Variants in BMPR1A observed in about 807,000 individuals in gnomAD.
BMPR1A encodes bone morphogenetic protein receptor type-1A.
In BMPR1A, 7 loss-of-function variants were observed where a neutral mutation model predicts 66.0. The ratio of observed to expected loss-of-function variants is 0.11; its 90% CI spans 0.06 to 0.20. BMPR1A has a LOEUF of 0.20. Among genes scored for constraint, BMPR1A ranks in the 10% least tolerant of loss-of-function variants. The pLI, the probability that BMPR1A is intolerant of heterozygous loss-of-function variation, is 1.00. For missense variants in BMPR1A, 408 were observed against 669.1 expected, an observed-to-expected ratio of 0.61 and a Z score of 4.31; for synonymous variants, 200 against 229.7, an observed-to-expected ratio of 0.87 and a Z score of 1.17.
intron 2 of BMPR1A, among the ~76,000 whole-genome samples, chr10:86,864,144 G>A (rs1026261196): frequency 3.3e-5 from 5 of 151,968 alleles, no homozygotes; most frequent in African/African-American, 7.3e-5. Context: ...GTTTTGCCTC[G>A]CACAAGGTCT....
intron 2 of BMPR1A, among the ~76,000 whole-genome samples, chr10:86,845,197 G>A (rs1333109107): frequency 6.6e-6 from 1 of 152,206 alleles, no homozygotes; most frequent in East Asian, 1.9e-4. Context: ...TTTGGGAGAT[G>A]AACCAAAAAG....
At chr10:86,790,189 ATATATAT>A (rs1415900882) in intron 1 of BMPR1A, among the ~76,000 whole-genome samples, 25 of 13,198 alleles carry the variant, frequency 1.9e-3, no homozygotes, top group African/African-American at 7.7e-3. Flanking sequence ...AAAAAAAAAA[ATATATAT>A]ATATATATAT....
chr10:86,800,453 G>A (rs1004614822), intron 1 of BMPR1A, among the ~76,000 whole-genome samples: 2 of 152,228 alleles, frequency 1.3e-5, no homozygotes, highest in African/African-American at 4.8e-5. Context: ...GGAGTGCAAT[G>A]TGAAATCGGC....
chr10:86,923,242 T>C, intron 11 of BMPR1A, 134 bp from the exon 12 acceptor site: 1 of 1,203,812 alleles, frequency 8.3e-7, no homozygotes, highest in Non-Finnish European at 1.2e-6. Flanking sequence ...CTATTAAGAG[T>C]GAATCATAGT....
Position 86,924,502 on chromosome 10 carries a change from C to G in BMPR1A, c.*783C>G, listed in dbSNP as rs1843713311. On this transcript the variant is annotated 3_prime_UTR_variant, in exon 13 of 13. Coordinates refer to ENST00000372037, the MANE Select transcript of BMPR1A (RefSeq NM_004329.3). ...AGCATCTGTAAATTTGGACTGTTTT[C>G]CTTCAACCACCATTTTTTTTGTGGT... The G allele has an allele frequency of 4.3e-6, 1 of 233,486 alleles. No individual in the cohort carries two copies. Among genetic ancestry groups the G allele is most frequent in the Non-Finnish European group, 8.5e-6 (1 of 118,070 alleles). The allele number at this position is 233,486 out of a possible 1,614,324, so 14.5% of individuals were successfully genotyped here.
intron 1 of BMPR1A, among the ~76,000 whole-genome samples, chr10:86,815,426 A>G (rs1842023424): frequency 6.6e-6 from 1 of 152,060 alleles, no homozygotes. Context: ...TTTCAAGTTC[A>G]TCAGGGCTTC....
rs118187877 is a variant in BMPR1A at position 86,806,187 on chromosome 10, A to G, written c.-267-32678A>G. ...TGTCCTTCTAGGGTATCAGAAGCATACTATGTCTGTCCTACCTGTCATTGG... is the reference window on the plus strand; with the variant it reads ...TGTCCTTCTAGGGTATCAGAAGCATGCTATGTCTGTCCTACCTGTCATTGG... On this transcript the variant is annotated intron_variant, in intron 1 of 12. Coordinates refer to ENST00000372037, the MANE Select transcript of BMPR1A (RefSeq NM_004329.3). 4.3e-3 allele frequency among the ~76,000 whole-genome samples: 660 copies of G among 152,280 alleles called. 5 individuals are homozygous for G. The highest frequency in any genetic ancestry group is 0.021 in the East Asian group (110 of 5,178).
chr10:86,871,343 C>G (rs1383692515), intron 2 of BMPR1A, among the ~76,000 whole-genome samples: 3 of 152,062 alleles, frequency 2.0e-5, no homozygotes, highest in Non-Finnish European at 4.4e-5. Flanking sequence ...TGTTTAAGGA[C>G]TCTGAACTTC....
intron 2 of BMPR1A, among the ~76,000 whole-genome samples, chr10:86,852,686 G>A (rs1054575566): frequency 1.1e-4 from 16 of 151,916 alleles, no homozygotes; most frequent in Admixed American, 3.3e-4. Flanking sequence ...GAAAGAGCAT[G>A]GCAGTAAATT....
At chr10:86,906,760 A>AAAAAAAAAAAAAAAAC (rs1182274874) in intron 7 of BMPR1A, among the ~76,000 whole-genome samples, 1 of 143,858 alleles carries the variant, frequency 7.0e-6, no homozygotes, top group Non-Finnish European at 1.5e-5. Context: ...AAAAAAAAAA[A>AAAAAAAAAAAAAAAAC]AACACTTTGT....
At chr10:86,827,115 A>G (rs1423108757) in intron 1 of BMPR1A, among the ~76,000 whole-genome samples, 3 of 152,148 alleles carry the variant, frequency 2.0e-5, no homozygotes, top group Non-Finnish European at 4.4e-5. Flanking sequence ...TCATCCCTCA[A>G]GACAATTATT....
intron 2 of BMPR1A, among the ~76,000 whole-genome samples, chr10:86,869,525 G>C (rs575589966): frequency 4.6e-5 from 7 of 151,758 alleles, no homozygotes; most frequent in Non-Finnish European, 1.0e-4. Context: ...GGGAGGCAGA[G>C]GCGGGAGGAT....
At chr10:86,803,366 C>T (rs994063725) in intron 1 of BMPR1A, among the ~76,000 whole-genome samples, 3 of 152,132 alleles carry the variant, frequency 2.0e-5, no homozygotes, top group African/African-American at 4.8e-5. Context: ...AGCCACCCTG[C>T]CTGGCCATTA....
At chr10:86,932,587 A>G (rs902487314), downstream of BMPR1A, 1 of 152,032 alleles carries the variant, frequency 6.6e-6, no homozygotes, top group African/African-American at 2.4e-5. Flanking sequence ...GGCTTTCCCT[A>G]CTGCATTCAT....
chr10:86,884,864 G>C (rs754040882), intron 3 of BMPR1A, among the ~76,000 whole-genome samples: 2 of 152,040 alleles, frequency 1.3e-5, no homozygotes, highest in Non-Finnish European at 2.9e-5. Context: ...TTTGATAATG[G>C]GTTCAGAACC....
At chr10:86,815,933 T>G (rs950083310) in intron 1 of BMPR1A, among the ~76,000 whole-genome samples, 2 of 152,236 alleles carry the variant, frequency 1.3e-5, no homozygotes, top group Non-Finnish European at 2.9e-5. Context: ...TGCTCTGCTC[T>G]CTTTCTTGCC....
intron 7 of BMPR1A, among the ~76,000 whole-genome samples, chr10:86,909,749 A>AG (rs1283777053): frequency 6.6e-6 from 1 of 152,204 alleles, no homozygotes; most frequent in Non-Finnish European, 1.5e-5. Context: ...TATGACATTC[A>AG]AAGGTAGGCG....
intron 1 of BMPR1A, among the ~76,000 whole-genome samples, chr10:86,777,839 C>T (rs2132689790): frequency 6.6e-6 from 1 of 151,982 alleles, no homozygotes; most frequent in South Asian, 2.1e-4. Context: ...CATGGAGAAA[C>T]CCCGTCTCTA....
At chr10:86,896,240 T>C (rs1843222664) in intron 5 of BMPR1A, among the ~76,000 whole-genome samples, 1 of 151,286 alleles carries the variant, frequency 6.6e-6, no homozygotes, top group Non-Finnish European at 1.5e-5. Context: ...GCTGAGATCA[T>C]GCAACTCCAC....
Sources: allele counts gnomAD v4.1 joint callset (sites outside exome capture counted in the v4.1 genomes callset), GRCh38; gene constraint gnomAD v4.1.1; transcripts MANE v1.5; gene names NCBI Gene and HGNC (gene_info 2026-07-23, HGNC 2026-07-21).